POLR3A: variants seen among roughly 807,000 people sequenced by gnomAD.
The protein encoded by POLR3A is DNA-directed RNA polymerase III subunit RPC1.
Under a neutral mutation model 152.8 loss-of-function variants are expected in POLR3A, and 112 were observed. The observed-to-expected ratio is 0.73, with a 90% CI of 0.63 to 0.86. POLR3A has a LOEUF of 0.86. POLR3A is among the 40% of genes least tolerant of loss of function. The pLI, the probability that POLR3A is intolerant of heterozygous loss-of-function variation, is 0.00. For missense variants in POLR3A, 1,385 were observed against 1,743.1 expected, an observed-to-expected ratio of 0.79 and a Z score of 3.66; for synonymous variants, 615 against 652.1, an observed-to-expected ratio of 0.94 and a Z score of 0.87.
At chr10:77,992,007 G>A (rs536807931) in intron 20 of POLR3A, among the ~76,000 whole-genome samples, 22 of 152,318 alleles carry the variant, frequency 1.4e-4, no homozygotes, top group African/African-American at 3.1e-4. Flanking sequence ...GAGGACAAAA[G>A]GAGTTTCTGT....
At chr10:77,985,407 G>T in intron 23 of POLR3A, 67 bp from the exon 24 acceptor site, 1 of 1,231,754 alleles carries the variant, frequency 8.1e-7, no homozygotes. Context: ...CTGCTGGGGA[G>T]AGGCTTCTGG....
chr10:78,019,209 A>G lies in POLR3A; in HGVS notation c.1242T>C (p.Val414=). 1 of 1,614,040 alleles carries G rather than the reference A, an allele frequency of 6.2e-7. No homozygotes were observed. Among genetic ancestry groups the G allele is most frequent in the Non-Finnish European group, 8.5e-7 (1 of 1,179,936 alleles). Residue 414 remains valine, a synonymous_variant, in exon 9 of 31, where the codon GTT becomes GTC. Coordinates refer to ENST00000372371, the MANE Select transcript of POLR3A (RefSeq NM_007055.4). ...LRKLVQNGPE[V]HPGANFIQQR... is the part of the protein sequence containing the mutation. ...GCTGAATGAAGTTTGCTCCTGGGTG[A>G]ACCTCAGGGCCGTTTTGAACCAGTT...
intron 8 of POLR3A, among the ~76,000 whole-genome samples, chr10:78,021,185 T>C (rs1847575632): frequency 6.6e-6 from 1 of 152,206 alleles, no homozygotes; most frequent in African/African-American, 2.4e-5. Flanking sequence ...CAGGTTGGTC[T>C]TGAACTCCCG....
At chr10:78,023,233 G>A (rs1032312171) in intron 5 of POLR3A, among the ~76,000 whole-genome samples, 2 of 151,898 alleles carry the variant, frequency 1.3e-5, no homozygotes, top group South Asian at 4.2e-4. Context: ...GGCTGAGGCG[G>A]GTGGGTCACC....
rs775405769 is a variant in POLR3A at position 78,024,588 on chromosome 10, T to C, written c.606A>G (p.Glu202=). Residue 202 remains glutamate (E), a synonymous_variant, in exon 5 of 31, where the codon GAA becomes GAG. Coordinates refer to ENST00000372371, the MANE Select transcript of POLR3A (RefSeq NM_007055.4). ...GCAGAGGCTCCACTTCTTTATTATG[T>C]TCAATGGCTGTTTCAAAAGACTGAA... ...NFLQSFETAI[E]HNKEVEPLLG... 6.2e-6 allele frequency: 10 copies of C among 1,613,936 alleles called. No individual in the cohort carries two copies. Among genetic ancestry groups the C allele is most frequent in the Admixed American group, 3.3e-5 (2 of 60,002 alleles).
At chr10:77,978,014 G>T (rs1243336186) in intron 30 of POLR3A, among the ~76,000 whole-genome samples, 1 of 152,180 alleles carries the variant, frequency 6.6e-6, no homozygotes, top group Non-Finnish European at 1.5e-5. Context: ...CCTTAACTTA[G>T]AGCCTCCAAG....
chr10:78,009,987 G>A lies in POLR3A; in HGVS notation c.1647C>T (p.Ala549=), dbSNP rs778771339. 2 of 1,613,974 alleles carry A rather than the reference G, an allele frequency of 1.2e-6. No homozygotes were observed. Among genetic ancestry groups the A allele is most frequent in the Non-Finnish European group, 1.7e-6 (2 of 1,179,872 alleles). ...IAAIQDFLTG[A]YLLTLKDTFF... is the part of the protein sequence containing the mutation. ...AAGTGTCCTTGAGAGTGAGGAGATA[G>A]GCACCTAAGCATTAGGAACCAACAC... The change falls in exon 13 of 31, where the codon GCC becomes GCT. Residue 549 remains alanine (A), a synonymous_variant. Coordinates refer to ENST00000372371, the MANE Select transcript of POLR3A (RefSeq NM_007055.4).
intron 10 of POLR3A, among the ~76,000 whole-genome samples, chr10:78,016,907 C>A (rs550538637): frequency 1.3e-5 from 2 of 151,554 alleles, no homozygotes; most frequent in East Asian, 1.9e-4. Flanking sequence ...TTCTGCCATA[C>A]CTATTTTATG....
At chr10:78,004,978 T>C in intron 15 of POLR3A, 90 bp from the exon 16 acceptor site, 1 of 980,644 alleles carries the variant, frequency 1.0e-6, no homozygotes, top group Non-Finnish European at 1.6e-6. Flanking sequence ...ATATAGTTTG[T>C]ACTATATATA....
rs533705368 is a variant in POLR3A, at chr10:77,989,458, G to A, written c.2901+1596C>T. Among the ~76,000 whole-genome samples the A allele has an allele frequency of 1.2e-4, 18 of 152,284 alleles. No individual in the cohort carries two copies. The South Asian group carries it at 3.3e-3, about 28-fold the overall frequency. ...TGAGCTCATCGGATTGTGAGCTGCC[G>A]GTGGCAAGGACATGTTTAGTCATCC... On this transcript the variant is annotated intron_variant, in intron 21 of 30. Coordinates refer to ENST00000372371, the MANE Select transcript of POLR3A (RefSeq NM_007055.4).
chr10:78,000,657 G>A (rs957847203), intron 18 of POLR3A, among the ~76,000 whole-genome samples: 4 of 152,142 alleles, frequency 2.6e-5, no homozygotes, highest in African/African-American at 9.7e-5. Context: ...TATATATGAA[G>A]TATAATTGTA....
At position 77,985,162 on chromosome 10, in the gene POLR3A, G is replaced by A. The variant is rs778122446; in HGVS notation, c.3242+8C>T. The A allele has an allele frequency of 2.5e-6, 4 of 1,611,662 alleles. No homozygotes were observed. In the East Asian group the frequency reaches 8.9e-5, roughly 36 times the overall value. Reference sequence around the variant, plus strand: ...TGTGTGGAACAAGAAGGAAATGAAAGCAGGCACCTGATGGCCTTGGAAGCG... The same window carrying A: ...TGTGTGGAACAAGAAGGAAATGAAAACAGGCACCTGATGGCCTTGGAAGCG... On this transcript the variant is annotated splice_region_variant and intron_variant, in intron 24 of 30. Coordinates refer to ENST00000372371, the MANE Select transcript of POLR3A (RefSeq NM_007055.4).
chr10:78,000,089 A>G lies in POLR3A; in HGVS notation c.2508T>C (p.Asn836=). 6.2e-7 allele frequency: 1 copy of G among 1,614,186 alleles called. No individual in the cohort carries two copies. The highest frequency in any genetic ancestry group is 8.5e-7 in the Non-Finnish European group (1 of 1,180,012). The change falls in exon 19 of 31, where the codon AAT becomes AAC. Residue 836 remains asparagine (N), a synonymous_variant. Coordinates refer to ENST00000372371, the MANE Select transcript of POLR3A (RefSeq NM_007055.4). ...KLPAAKGFVA[N]SFYSGLTPTE... is the part of the protein sequence containing the mutation. ...TTGGTGTCAAACCGGAATAAAAGCT[A>G]TTAGCCACAAAGCCTTTGGCAGCTG...
intron 19 of POLR3A, among the ~76,000 whole-genome samples, chr10:77,994,069 A>C (rs1847274298): frequency 6.6e-6 from 1 of 152,248 alleles, no homozygotes. Context: ...TAAAGACAAA[A>C]AAATTAAGTA....
chr10:78,004,206 C>T (rs772474880), intron 16 of POLR3A, among the ~76,000 whole-genome samples: 19 of 152,052 alleles, frequency 1.2e-4, no homozygotes, highest in Non-Finnish European at 2.2e-4. Context: ...TGCACTCCAG[C>T]CTGGCTGGAG....
At chr10:78,014,426 T>A (rs796100649) in intron 10 of POLR3A, among the ~76,000 whole-genome samples, 1 of 150,550 alleles carries the variant, frequency 6.6e-6, no homozygotes, top group Non-Finnish European at 1.5e-5. Context: ...ACTAACCCCC[T>A]TTTTTTTTGA....
At chr10:77,995,664 G>A (rs1340254528) in intron 19 of POLR3A, among the ~76,000 whole-genome samples, 1 of 152,062 alleles carries the variant, frequency 6.6e-6, no homozygotes, top group Non-Finnish European at 1.5e-5. Context: ...CATAAAGCAA[G>A]TCCTGAGTGA....
intron 14 of POLR3A, 74 bp from the exon 15 acceptor site, chr10:78,007,940 T>C (rs1847426976): frequency 1.5e-6 from 2 of 1,346,522 alleles, no homozygotes; most frequent in South Asian, 1.2e-5. Context: ...TTTGAGACAG[T>C]TGAGAAAATA....
Position 78,007,850 on chromosome 10 carries a change from G to A in POLR3A, c.1926C>T (p.Asn642=), listed in dbSNP as rs781315866. Residue 642 remains asparagine (N), a synonymous_variant, in exon 15 of 31, where the codon AAC becomes AAT. Transcript: ENST00000372371. ...CCATGCTGCCACTCATCAACTCACT[G>A]TTCTGGATTGTAACATCTGGAAGAA... is the stretch of plus-strand genomic sequence containing the variant. ...CANDSYVTIQ[N]SELMSGSMDK... is the part of the protein sequence containing the mutation. 3.1e-6 allele frequency: 5 copies of A among 1,612,484 alleles called. No homozygotes were observed. The highest frequency in any genetic ancestry group is 4.2e-6 in the Non-Finnish European group (5 of 1,178,714).
Sources: allele counts gnomAD v4.1 joint callset (sites outside exome capture counted in the v4.1 genomes callset), GRCh38; gene constraint gnomAD v4.1.1; transcripts MANE v1.5; gene names NCBI Gene and HGNC (gene_info 2026-07-23, HGNC 2026-07-21).